Variants in NUDT6 observed in about 807,000 individuals in gnomAD.
NUDT6 encodes the protein FAD diphosphatase NUDT6.
A neutral mutation model predicts 36.8 loss-of-function variants in NUDT6; 24 were observed. The ratio of observed to expected loss-of-function variants is 0.65; its 90% CI spans 0.47 to 0.92. NUDT6 has a LOEUF of 0.92. Among genes scored for constraint, NUDT6 ranks in the 40% least tolerant of loss-of-function variants. NUDT6 has a pLI of 0.00. For missense variants in NUDT6, 388 were observed against 392.8 expected (o/e 0.99, Z 0.10); for synonymous variants, 163 against 157.0 (o/e 1.04, Z -0.29).
intron 3 of NUDT6, among the ~76,000 whole-genome samples, chr4:122,899,226 A>G (rs1027897016): frequency 2.0e-5 from 3 of 151,574 alleles, no homozygotes; most frequent in Non-Finnish European, 2.9e-5. Flanking sequence ...GAGCAGACCA[A>G]TGTTTCCTAA....
In NUDT6 at chr4:122,897,621, C is replaced by G. The variant is rs561457664; in HGVS notation, c.553+3G>C. ...GCCAATTAAAAATATAAAAGATACA[C>G]ACCAATATCTTCTTCAGGCTCTGAC... On this transcript the variant is annotated splice_donor_region_variant and intron_variant, in intron 4 of 4. Coordinates refer to ENST00000304430, the MANE Select transcript of NUDT6 (RefSeq NM_007083.5). 9 of 1,589,960 alleles carry G rather than the reference C, an allele frequency of 5.7e-6. No homozygotes were observed. The highest frequency in any genetic ancestry group is 7.8e-6 in the Non-Finnish European group (9 of 1,158,310).
At chr4:122,909,779 A>G (rs1727696916) in intron 3 of NUDT6, among the ~76,000 whole-genome samples, 1 of 152,236 alleles carries the variant, frequency 6.6e-6, no homozygotes, top group Non-Finnish European at 1.5e-5. Flanking sequence ...AAATGACTGT[A>G]AAGGCCATAC....
chr4:122,900,275 G>A (rs183726000), intron 3 of NUDT6, among the ~76,000 whole-genome samples: 1 of 137,466 alleles, frequency 7.3e-6, no homozygotes, highest in East Asian at 2.0e-4. Flanking sequence ...TACAATTTTT[G>A]CCACCACCCT....
intron 1 of NUDT6, chr4:122,921,720 A>G (rs1728017905): frequency 6.6e-6 from 1 of 151,806 alleles, no homozygotes; most frequent in Admixed American, 6.6e-5. Context: ...ACACATTTAT[A>G]CCTCTATCAA....
intron 2 of NUDT6, among the ~76,000 whole-genome samples, chr4:122,915,161 A>C (rs988655978): frequency 6.6e-6 from 1 of 152,196 alleles, no homozygotes; most frequent in African/African-American, 2.4e-5. Context: ...CAAGCTTGCT[A>C]AGTTTGAAAA....
intron 3 of NUDT6, among the ~76,000 whole-genome samples, chr4:122,900,039 T>A (rs1727480272): frequency 6.9e-6 from 1 of 144,840 alleles, no homozygotes; most frequent in Non-Finnish European, 1.5e-5. Flanking sequence ...GTAATTAACA[T>A]GGTCATGCAC....
chr4:122,903,778 C>T (rs1222268534), intron 3 of NUDT6, among the ~76,000 whole-genome samples: 2 of 152,198 alleles, frequency 1.3e-5, no homozygotes, highest in African/African-American at 4.8e-5. Context: ...TTCACTCTAG[C>T]AGCAGCATTT....
In NUDT6 at chr4:122,922,342, G is replaced by C; in HGVS notation, c.231C>G (p.Gly77=). 3 of 1,599,990 alleles carry C rather than the reference G, an allele frequency of 1.9e-6. No individual in the cohort carries two copies. The highest frequency in any genetic ancestry group is 2.5e-6 in the Non-Finnish European group (3 of 1,178,424). The change falls in exon 1 of 5, where the codon GGC becomes GGG. Residue 77 remains glycine, a synonymous_variant. Coordinates refer to ENST00000304430, the MANE Select transcript of NUDT6 (RefSeq NM_007083.5). ...DRLDAAAFQK[G]LQAAVQQWRS... ...CGTCCCAGGCGCACTTGCCCTGCAA[G>C]CCCTTCTGGAAGGCGGCAGCGTCCA...
chr4:122,898,072 A>C (rs1287528565), intron 3 of NUDT6: 1 of 165,982 alleles, frequency 6.0e-6, no homozygotes, highest in Non-Finnish European at 1.3e-5. Flanking sequence ...AAATTTCATC[A>C]CTAAAATATG....
At chr4:122,917,987 T>C (rs1398353001) in intron 1 of NUDT6, 5 of 380,238 alleles carry the variant, frequency 1.3e-5, no homozygotes. Context: ...ACAGATGTTC[T>C]GTAGTTTTAG....
At chr4:122,922,756 C>T (rs1434361155), upstream of NUDT6, 1 of 599,966 alleles carries the variant, frequency 1.7e-6, no homozygotes, top group African/African-American at 1.9e-5. Context: ...CAATTTGCCC[C>T]GCTCCAGTTA....
chr4:122,897,356 A>C (rs1476217), intron 4 of NUDT6: 165,710 of 406,886 alleles, frequency 0.41, 35,738 homozygotes, highest in South Asian at 0.61. Context: ...AAAGCTTCTC[A>C]TTTTCAGACA....
At chr4:122,919,575 A>G (rs539646229) in intron 1 of NUDT6, 1 of 152,284 alleles carries the variant, frequency 6.6e-6, no homozygotes, top group Admixed American at 6.5e-5. Context: ...TCTGGCACCA[A>G]TGCTTGAAAC....
rs1413406437 is a variant in NUDT6 at position 122,922,317 on chromosome 4, C to T, written c.238+18G>A. ...AAGCTCTGGAGCCCCGGGAGCCCTT[C>T]GTCCCAGGCGCACTTGCCCTGCAAG... On this transcript the variant is annotated intron_variant, in intron 1 of 4. Coordinates refer to ENST00000304430, the MANE Select transcript of NUDT6 (RefSeq NM_007083.5). 5 of 1,588,568 alleles carry T rather than the reference C, an allele frequency of 3.1e-6. No individual in the cohort carries two copies. Among genetic ancestry groups the T allele is most frequent in the Non-Finnish European group, 2.6e-6 (3 of 1,173,214 alleles).
At position 122,898,431 on chromosome 4, in the gene NUDT6, G is replaced by A. The variant is rs182038580; in HGVS notation, c.499-753C>T. 1.5e-4 allele frequency among the ~76,000 whole-genome samples: 23 copies of A among 152,038 alleles called. No homozygotes were observed. The East Asian group carries it at 3.5e-3, about 23-fold the overall frequency. The stretch of plus-strand genomic sequence containing the variant: ...TGTTAGAGTTCTATCTATCCATCAC[G>A]TGATAAAAGAAAAGAATGAGAAATT... On this transcript the variant is annotated intron_variant, in intron 3 of 4. Coordinates refer to ENST00000304430, the MANE Select transcript of NUDT6 (RefSeq NM_007083.5).
chr4:122,907,369 A>T (rs1236456187), intron 3 of NUDT6, among the ~76,000 whole-genome samples: 1 of 151,528 alleles, frequency 6.6e-6, no homozygotes. Flanking sequence ...TCCTGGCCTC[A>T]AGTGATCCAC....
chr4:122,917,361 G>T, intron 2 of NUDT6, 140 bp downstream of exon 2: 1 of 740,046 alleles, frequency 1.4e-6, no homozygotes, highest in Non-Finnish European at 2.3e-6. Context: ...CACATCCTGT[G>T]CAGATAGGGT....
At chr4:122,919,530 A>G (rs2150811360) in intron 1 of NUDT6, 1 of 152,182 alleles carries the variant, frequency 6.6e-6, no homozygotes, top group East Asian at 1.9e-4. Context: ...TGAATCTTAC[A>G]CCCCAAACTA....
At position 122,922,539 on chromosome 4, in the gene NUDT6, C is replaced by A; in HGVS notation, c.34G>T (p.Ala12Ser). 6.2e-7 allele frequency: 1 copy of A among 1,603,476 alleles called. No homozygotes were observed. The highest frequency in any genetic ancestry group is 8.5e-7 in the Non-Finnish European group (1 of 1,177,636). ...RQPLSWGRWR[A>S]MLARTYGPGP... ...GGGCCGTAGGTTCGGGCAAGCATCGCGCGCCAGCGGCCCCAGCTCAGTGGC... is the reference window on the plus strand; with the variant it reads ...GGGCCGTAGGTTCGGGCAAGCATCGAGCGCCAGCGGCCCCAGCTCAGTGGC... The change falls in exon 1 of 5, where the codon GCG becomes TCG. Residue 12 changes from alanine (A) to serine (S), a missense_variant. Coordinates refer to ENST00000304430, the MANE Select transcript of NUDT6 (RefSeq NM_007083.5).
Sources: allele counts gnomAD v4.1 joint callset (sites outside exome capture counted in the v4.1 genomes callset), GRCh38; gene constraint gnomAD v4.1.1; transcripts MANE v1.5; gene names NCBI Gene and HGNC (gene_info 2026-07-23, HGNC 2026-07-21).